Variants in APOBEC1 observed in about 807,000 individuals in gnomAD.
APOBEC1 encodes the protein apolipoprotein B mRNA editing enzyme catalytic subunit 1, also known as C->U-editing enzyme APOBEC-1.
Under a neutral mutation model 26.3 loss-of-function variants are expected in APOBEC1, and 22 were observed. The observed-to-expected ratio is 0.84, with a 90% CI of 0.60 to 1.19. The LOEUF is 1.19. Ranked by LOEUF, APOBEC1 falls within the 50% of genes most tolerant of loss-of-function variation. The probability of loss-of-function intolerance (pLI) is 0.00; values close to 1 mark genes in which losing one functional copy is unlikely to be tolerated. For missense variants in APOBEC1, 253 were observed against 289.0 expected, an observed-to-expected ratio of 0.88 and a Z score of 0.90; for synonymous variants, 77 against 95.3, an observed-to-expected ratio of 0.81 and a Z score of 1.12.
chr12:7,665,805 A>C (rs761682080), intron 1 of APOBEC1, 52 bp downstream of exon 1: 61 of 1,376,362 alleles, frequency 4.4e-5, no homozygotes, highest in South Asian at 4.0e-4. Context: ...ACACACACAC[A>C]CCATTCTTGC....
chr12:7,660,372 G>GAAAGAAAGA (rs1339806880), intron 1 of APOBEC1, among the ~76,000 whole-genome samples: 61 of 97,070 alleles, frequency 6.3e-4, no homozygotes, highest in African/African-American at 2.3e-3. Context: ...AGGAAGGAAG[G>GAAAGAAAGA]AAGGAAAGAA....
intron 1 of APOBEC1, among the ~76,000 whole-genome samples, chr12:7,660,412 G>GAA (rs201225005): frequency 2.5e-5 from 3 of 122,094 alleles, no homozygotes; most frequent in Admixed American, 8.2e-5. Flanking sequence ...AAGAAAGAAA[G>GAA]AGAGGGTATT....
Position 7,660,375 on chromosome 12 carries a change from G to GGAAAGAGAAAGAAA in APOBEC1, c.16+5481_16+5482insTTTCTTTCTCTTTC, listed in dbSNP as rs1555094886. Among the ~76,000 whole-genome samples, 137 of 23,972 alleles carry GGAAAGAGAAAGAAA rather than the reference G, an allele frequency of 5.7e-3. 6 individuals carry two copies. Among genetic ancestry groups the GGAAAGAGAAAGAAA allele is most frequent in the African/African-American group, 0.016 (130 of 7,942 alleles). The allele number at this position is 23,972 out of a possible 152,430, so 15.7% of individuals were successfully genotyped here. A position where few individuals can be genotyped will look rare whatever the true frequency, so the allele number is the denominator to read the frequency against. Reference sequence around the variant, plus strand: ...AGGAAGGAAGGAAGGAAGGAAGGAAGGAAAGAAAGAAAGAAAGAAAGAAAG... The same window carrying GGAAAGAGAAAGAAA: ...AGGAAGGAAGGAAGGAAGGAAGGAAGGAAAGAGAAAGAAAGAAAGAAAGAAAGAAAGAAAGAAAG... On this transcript the variant is annotated intron_variant, in intron 1 of 4. Coordinates refer to ENST00000229304, the MANE Select transcript of APOBEC1 (RefSeq NM_001644.5).
At position 7,657,237 on chromosome 12, in the gene APOBEC1, G is replaced by A. The variant is rs779624316; in HGVS notation, c.17-2605C>T. 1.4e-4 allele frequency among the ~76,000 whole-genome samples: 22 copies of A among 152,186 alleles called. No individual in the cohort carries two copies. In the South Asian group the frequency reaches 2.7e-3, roughly 19 times the overall value. ...TTGAGCCTCATGTGTATGTTTCCTC[G>A]CCATGACTGCCAAATTGTTAGCTGA... On this transcript the variant is annotated intron_variant, in intron 1 of 4. Transcript: ENST00000229304.
At chr12:7,665,712 A>G (rs1055320187) in intron 1 of APOBEC1, 145 bp downstream of exon 1, 1 of 815,560 alleles carries the variant, frequency 1.2e-6, no homozygotes, top group African/African-American at 1.7e-5. Flanking sequence ...AATCAATAAT[A>G]GGGAAGTTTG....
upstream of APOBEC1, among the ~76,000 whole-genome samples, chr12:7,670,083 AGGTG>A (rs1565445131): frequency 8.8e-5 from 9 of 102,406 alleles, no homozygotes; most frequent in African/African-American, 2.0e-4. Flanking sequence ...TCCCGGGTTC[AGGTG>A]ATTCTCTTGT....
chr12:7,660,357 A>AAGGG, intron 1 of APOBEC1, among the ~76,000 whole-genome samples: 1 of 51,952 alleles, frequency 1.9e-5, no homozygotes, highest in Non-Finnish European at 5.1e-5. Context: ...GGAAGGAAGG[A>AAGGG]AGGAAGGAAG....
chr12:7,666,161 A>G (rs957128216), upstream of APOBEC1, among the ~76,000 whole-genome samples: 1 of 152,214 alleles, frequency 6.6e-6, no homozygotes, highest in Non-Finnish European at 1.5e-5. Context: ...CTTCAATGAC[A>G]TCTGAATTTG....
chr12:7,661,037 CA>C (rs764452957), intron 1 of APOBEC1, among the ~76,000 whole-genome samples: 2,407 of 91,044 alleles, frequency 0.026, 24 homozygotes, highest in South Asian at 0.03. Context: ...ACTAAAAATA[CA>C]AAAAAAAAAA....
chr12:7,660,383 A>G (rs373500484), intron 1 of APOBEC1, among the ~76,000 whole-genome samples: 1,125 of 37,064 alleles, frequency 0.03, 12 homozygotes, highest in Middle Eastern at 0.087. Flanking sequence ...AAGGAAAGAA[A>G]GAAAGAAAGA....
At chr12:7,662,815 G>GAC (rs1863838628) in intron 1 of APOBEC1, among the ~76,000 whole-genome samples, 2 of 152,164 alleles carry the variant, frequency 1.3e-5, no homozygotes, top group Admixed American at 1.3e-4. Flanking sequence ...ACCTTGACTT[G>GAC]TTCAAGGAAG....
chr12:7,664,777 C>T (rs758837862), intron 1 of APOBEC1, among the ~76,000 whole-genome samples: 7 of 151,660 alleles, frequency 4.6e-5, no homozygotes, highest in African/African-American at 1.7e-4. Context: ...GCTGGTGGCC[C>T]ATGCCTGTTG....
chr12:7,661,205 C>CA (rs35561148), intron 1 of APOBEC1, among the ~76,000 whole-genome samples: 1,445 of 89,024 alleles, frequency 0.016, 19 homozygotes, highest in African/African-American at 0.025. Flanking sequence ...GACTCCGTCT[C>CA]AAAAAAAAAA....
At chr12:7,657,947 G>A (rs1257957586) in intron 1 of APOBEC1, among the ~76,000 whole-genome samples, 1 of 152,078 alleles carries the variant, frequency 6.6e-6, no homozygotes, top group Non-Finnish European at 1.5e-5. Flanking sequence ...CTATTTCCTG[G>A]AAAAGAATTG....
chr12:7,654,508 G>A, intron 2 of APOBEC1, 97 bp downstream of exon 2: 1 of 1,285,488 alleles, frequency 7.8e-7, no homozygotes, highest in Non-Finnish European at 1.1e-6. Context: ...CTCCTGAGTA[G>A]CTGGGATTAT....
chr12:7,670,171 A>T (rs898176605), upstream of APOBEC1, among the ~76,000 whole-genome samples: 3 of 137,406 alleles, frequency 2.2e-5, no homozygotes. Context: ...TTTAGTAGAG[A>T]TGGGGTTTCA....
chr12:7,669,195 C>CT (rs201005757), upstream of APOBEC1, among the ~76,000 whole-genome samples: 2,523 of 140,988 alleles, frequency 0.018, 64 homozygotes, highest in East Asian at 0.079. Flanking sequence ...TCAGCTTTTC[C>CT]TTTTTTTTTT....
chr12:7,664,944 C>A (rs1863872530), intron 1 of APOBEC1, among the ~76,000 whole-genome samples: 1 of 151,780 alleles, frequency 6.6e-6, no homozygotes, highest in Non-Finnish European at 1.5e-5. Context: ...GTGGCTCATG[C>A]CTGTATTCCT....
At chr12:7,657,633 G>A (rs936793761) in intron 1 of APOBEC1, among the ~76,000 whole-genome samples, 23 of 151,994 alleles carry the variant, frequency 1.5e-4, no homozygotes, top group African/African-American at 4.8e-4. Flanking sequence ...AGCACTTTGG[G>A]AGGCCAAGGC....
Sources: gnomAD v4.1 joint callset for allele counts (sites outside exome capture counted in the v4.1 genomes callset) on GRCh38, gnomAD v4.1.1 for gene constraint, MANE v1.5 for transcripts, NCBI Gene and HGNC (gene_info 2026-07-23, HGNC 2026-07-21) for gene names.